ZMYM5: variants seen among roughly 807,000 people sequenced by gnomAD.
The protein encoded by ZMYM5 is zinc finger MYM-type protein 5.
ZMYM5 carries 41 observed loss-of-function variants against 61.8 expected under a neutral mutation model. The observed-to-expected ratio is 0.66, with a 90% CI of 0.52 to 0.86. The LOEUF is 0.86. Ranked by LOEUF, ZMYM5 falls within the 40% of genes least tolerant of loss-of-function variation. The pLI is 0.00. For synonymous variants in ZMYM5, 257 were observed against 276.4 expected (o/e 0.93, Z 0.70); for missense variants, 706 against 786.7 (o/e 0.90, Z 1.23).
At chr13:19,827,204 A>T (rs369677926) in intron 7 of ZMYM5, among the ~76,000 whole-genome samples, 1 of 152,180 alleles carries the variant, frequency 6.6e-6, no homozygotes, top group African/African-American at 2.4e-5. Context: ...TGTTTATAAA[A>T]ATTAATGTGA....
chr13:19,855,571 T>G (rs1261395120), intron 2 of ZMYM5, among the ~76,000 whole-genome samples: 1 of 151,902 alleles, frequency 6.6e-6, no homozygotes, highest in Admixed American at 6.6e-5. Context: ...CCACAGTATC[T>G]TCTTATGTCT....
intron 7 of ZMYM5, among the ~76,000 whole-genome samples, chr13:19,831,800 A>C (rs1383880578): frequency 8.0e-5 from 12 of 150,434 alleles, no homozygotes; most frequent in Non-Finnish European, 5.9e-5. Context: ...AAAAAAAAAA[A>C]AAAAAAAAAA....
chr13:19,838,753 AAG>A lies in ZMYM5; in HGVS notation c.817_818del (p.Leu273PhefsTer6). On this transcript the variant is annotated frameshift_variant, in exon 5 of 8. Coordinates refer to ENST00000337963, the MANE Select transcript of ZMYM5 (RefSeq NM_001142684.2). LOFTEE classifies it high-confidence loss of function. Reference sequence around the variant, plus strand: ...GAGTACGTTTATGAGAGAAGGAAGAAAGGCAGGTGGTAGAGCAAAAGAGGTGA... The same window carrying A: ...GAGTACGTTTATGAGAGAAGGAAGAAGCAGGTGGTAGAGCAAAAGAGGTGA... The part of the protein sequence containing the change: ...SAHLFCSTTC[L>X]SSFSHKRTQN... 6.2e-7 allele frequency: 1 copy of A among 1,614,216 alleles called. No individual in the cohort carries two copies. The highest frequency in any genetic ancestry group is 8.5e-7 in the Non-Finnish European group (1 of 1,180,044).
chr13:19,852,467 A>T (rs904939457), intron 2 of ZMYM5, among the ~76,000 whole-genome samples: 1 of 152,174 alleles, frequency 6.6e-6, no homozygotes, highest in African/African-American at 2.4e-5. Flanking sequence ...GAATTAGAAA[A>T]TAGTAACAAA....
At chr13:19,844,913 G>A (rs1255610541) in intron 4 of ZMYM5, among the ~76,000 whole-genome samples, 1 of 152,206 alleles carries the variant, frequency 6.6e-6, no homozygotes, top group Non-Finnish European at 1.5e-5. Context: ...GTCAGCCATC[G>A]CACCCCGCTG....
intron 2 of ZMYM5, among the ~76,000 whole-genome samples, chr13:19,859,830 T>C (rs1042238566): frequency 1.3e-5 from 2 of 150,078 alleles, no homozygotes; most frequent in African/African-American, 4.9e-5. Flanking sequence ...ACAGGCCGGG[T>C]GTGGTAGTGG....
chr13:19,824,358 C>G lies in ZMYM5; in HGVS notation c.*119G>C. ...TGCTATCATACTTATTGCTAAGGAA[C>G]TGCTGCAAGTTACTCTGTAGAGGAG... On this transcript the variant is annotated 3_prime_UTR_variant, in exon 8 of 8. Coordinates refer to ENST00000337963, the MANE Select transcript of ZMYM5 (RefSeq NM_001142684.2). 4 of 835,598 alleles carry G rather than the reference C, an allele frequency of 4.8e-6. No individual in the cohort carries two copies. Among genetic ancestry groups the G allele is most frequent in the Non-Finnish European group, 6.0e-6 (4 of 667,842 alleles). The allele number at this position is 835,598 out of a possible 1,614,324, so 51.8% of individuals were successfully genotyped here.
chr13:19,851,632 A>C, intron 3 of ZMYM5, 57 bp downstream of exon 3: 1 of 1,547,180 alleles, frequency 6.5e-7, no homozygotes, highest in Non-Finnish European at 8.7e-7. Context: ...CATTAGTAAT[A>C]ATGTATTTCA....
chr13:19,854,259 C>T lies in ZMYM5; in HGVS notation c.-10-2069G>A, dbSNP rs536197673. Among the ~76,000 whole-genome samples, 55 of 152,242 alleles carry T rather than the reference C, an allele frequency of 3.6e-4. No homozygotes were observed. In the South Asian group the frequency reaches 0.01, roughly 29 times the overall value. ...TCTTGACCTCGTGATCCACCCACCT[C>T]GGCCTCCCAAAGTGCTGGGATAAGA... On this transcript the variant is annotated intron_variant, in intron 2 of 7. Coordinates refer to ENST00000337963, the MANE Select transcript of ZMYM5 (RefSeq NM_001142684.2).
At chr13:19,842,939 GACA>G (rs1418058094) in intron 4 of ZMYM5, among the ~76,000 whole-genome samples, 3 of 117,874 alleles carry the variant, frequency 2.5e-5, no homozygotes, top group Admixed American at 1.1e-4. Context: ...CGGCCTGGGA[GACA>G]AGAGCCAAAC....
intron 2 of ZMYM5, among the ~76,000 whole-genome samples, chr13:19,861,650 T>C (rs774307216): frequency 1.3e-5 from 2 of 152,082 alleles, no homozygotes; most frequent in African/African-American, 4.8e-5. Flanking sequence ...TGATCAGGGT[T>C]GAAAGGACAA....
At position 19,851,380 on chromosome 13, in the gene ZMYM5, T is replaced by C; in HGVS notation, c.561A>G (p.Gly187=). 1 of 1,614,144 alleles carries C rather than the reference T, an allele frequency of 6.2e-7. No individual in the cohort carries two copies. The highest frequency in any genetic ancestry group is 8.5e-7 in the Non-Finnish European group (1 of 1,180,002). ...MNVAGDLFQN[G]EFATHHSPDS... is the part of the protein sequence containing the mutation. ...CAGGACTATGATGAGTTGCAAATTC[T>C]CCATTCTGAAATAAGTCTCCTGCCA... The change falls in exon 4 of 8, where the codon GGA becomes GGG. Residue 187 remains glycine (G), a synonymous_variant. Coordinates refer to ENST00000337963, the MANE Select transcript of ZMYM5 (RefSeq NM_001142684.2).
chr13:19,848,560 G>A (rs2138594792), intron 4 of ZMYM5, among the ~76,000 whole-genome samples: 1 of 151,006 alleles, frequency 6.6e-6, no homozygotes, highest in East Asian at 2.0e-4. Context: ...TTTGAGACAA[G>A]TCTCACTTTG....
intron 4 of ZMYM5, among the ~76,000 whole-genome samples, chr13:19,842,912 A>G (rs1002715017): frequency 4.0e-5 from 6 of 148,474 alleles, no homozygotes; most frequent in Non-Finnish European, 5.9e-5. Flanking sequence ...GTGAGCCAAC[A>G]TCATGCCACT....
At chr13:19,837,401 C>G (rs1276888522) in intron 6 of ZMYM5, 7 of 1,470,876 alleles carry the variant, frequency 4.8e-6, no homozygotes, top group Non-Finnish European at 6.2e-6. Flanking sequence ...ACAAAATCCA[C>G]CATAAAACAA....
intron 7 of ZMYM5, among the ~76,000 whole-genome samples, chr13:19,830,790 C>A (rs920909348): frequency 1.3e-5 from 2 of 151,476 alleles, no homozygotes; most frequent in African/African-American, 4.9e-5. Flanking sequence ...CCTCCACAGG[C>A]ATGAGACACC....
intron 7 of ZMYM5, among the ~76,000 whole-genome samples, chr13:19,829,777 G>C (rs1231942098): frequency 6.6e-6 from 1 of 152,056 alleles, no homozygotes; most frequent in Non-Finnish European, 1.5e-5. Flanking sequence ...AACTTTTCTA[G>C]CTGATTCTTC....
intron 4 of ZMYM5, among the ~76,000 whole-genome samples, chr13:19,847,231 G>A (rs536850196): frequency 6.6e-6 from 1 of 152,304 alleles, no homozygotes; most frequent in South Asian, 2.1e-4. Flanking sequence ...TTATAGGCAT[G>A]AGCCACTGCG....
intron 4 of ZMYM5, among the ~76,000 whole-genome samples, chr13:19,848,541 TTG>T (rs201827424): frequency 2.0e-5 from 3 of 148,402 alleles, no homozygotes; most frequent in Non-Finnish European, 4.5e-5. Context: ...CTCAGCCTCT[TTG>T]TTTTTTTTTG....
Sources: gnomAD v4.1 joint callset for allele counts (sites outside exome capture counted in the v4.1 genomes callset) on GRCh38, gnomAD v4.1.1 for gene constraint, MANE v1.5 for transcripts, NCBI Gene and HGNC (gene_info 2026-07-23, HGNC 2026-07-21) for gene names.